The following LRMDA variants were observed in gnomAD, a reference collection of about 807,000 sequenced individuals.
LRMDA encodes leucine-rich melanocyte differentiation-associated protein.
In LRMDA, 18 loss-of-function variants were observed where a neutral mutation model predicts 29.8. The observed-to-expected ratio is 0.60, with a 90% CI of 0.42 to 0.90. LRMDA has a LOEUF of 0.90. LRMDA is among the 40% of genes least tolerant of loss of function. The pLI, the probability that LRMDA is intolerant of heterozygous loss-of-function variation, is 0.00. For synonymous variants in LRMDA, 125 were observed against 109.4 expected, an observed-to-expected ratio of 1.14 and a Z score of -0.89; for missense variants, 273 against 273.9, an observed-to-expected ratio of 1.00 and a Z score of 0.02.
Position 75,502,527 on chromosome 10 carries a change from C to G in LRMDA, c.131+64033C>G, listed in dbSNP as rs1200468712. Among the ~76,000 whole-genome samples the G allele has an allele frequency of 4.6e-5, 7 of 152,212 alleles. No individual in the cohort carries two copies. The South Asian group carries it at 1.2e-3, about 27-fold the overall frequency. On this transcript the variant is annotated intron_variant, in intron 2 of 6. Transcript: ENST00000611255. ...AAGAGGAACAGCCCTAGCTAAATCA[C>G]CAGTGTTTCTTTGGGAAGAATCTGG...
At chr10:75,891,720 G>A (rs1027514505) in intron 2 of LRMDA, among the ~76,000 whole-genome samples, 1 of 152,150 alleles carries the variant, frequency 6.6e-6, no homozygotes, top group Non-Finnish European at 1.5e-5. Context: ...AGTGGGACAT[G>A]GTCACATTCT....
chr10:75,692,273 A>G (rs1160364544), intron 2 of LRMDA, among the ~76,000 whole-genome samples: 1 of 126,346 alleles, frequency 7.9e-6, no homozygotes, highest in South Asian at 2.6e-4. Context: ...ATATAAATAT[A>G]TACACAAGTA....
At chr10:75,692,430 T>TAC (rs1220068221) in intron 2 of LRMDA, among the ~76,000 whole-genome samples, 1 of 148,234 alleles carries the variant, frequency 6.7e-6, no homozygotes, top group African/African-American at 2.5e-5. Context: ...CATATATATA[T>TAC]ACACACATAC....
intron 2 of LRMDA, among the ~76,000 whole-genome samples, chr10:75,755,660 A>C (rs1260502398): frequency 6.6e-6 from 1 of 152,242 alleles, no homozygotes; most frequent in Non-Finnish European, 1.5e-5. Context: ...CAGAAGATCA[A>C]AGAGCAGCAA....
chr10:76,512,704 A>G (rs900251210), intron 6 of LRMDA, among the ~76,000 whole-genome samples: 1 of 152,178 alleles, frequency 6.6e-6, no homozygotes. Context: ...GCAACCAAAG[A>G]AAAAATAGTG....
intron 5 of LRMDA, among the ~76,000 whole-genome samples, chr10:76,165,124 C>G (rs1850716292): frequency 6.6e-6 from 1 of 152,212 alleles, no homozygotes; most frequent in Admixed American, 6.5e-5. Flanking sequence ...AGGCACCTGC[C>G]ACCATGCCCA....
chr10:75,813,335 G>T (rs925578434), intron 2 of LRMDA, among the ~76,000 whole-genome samples: 2 of 152,182 alleles, frequency 1.3e-5, no homozygotes, highest in African/African-American at 4.8e-5. Flanking sequence ...GAAACTACCA[G>T]ACCAGAGTTT....
chr10:75,739,794 T>A (rs188451002), intron 2 of LRMDA, among the ~76,000 whole-genome samples: 1 of 152,268 alleles, frequency 6.6e-6, no homozygotes, highest in Non-Finnish European at 1.5e-5. Flanking sequence ...CAGATGTTAG[T>A]GTCTGTCGGT....
intron 6 of LRMDA, among the ~76,000 whole-genome samples, chr10:76,554,593 A>T: frequency 6.6e-6 from 1 of 152,134 alleles, no homozygotes; most frequent in East Asian, 1.9e-4. Flanking sequence ...ATGTCTATAA[A>T]CATTCTTGCT....
At chr10:76,029,271 A>G (rs1848111508) in intron 2 of LRMDA, among the ~76,000 whole-genome samples, 1 of 152,200 alleles carries the variant, frequency 6.6e-6, no homozygotes, top group Non-Finnish European at 1.5e-5. Flanking sequence ...ACCTCATTCT[A>G]TGAAAGGTTT....
chr10:75,553,819 G>T (rs1302631581), intron 2 of LRMDA, among the ~76,000 whole-genome samples: 1 of 152,042 alleles, frequency 6.6e-6, no homozygotes, highest in African/African-American at 2.4e-5. Context: ...GCACAGTGTA[G>T]GGGGCTCTCT....
intron 6 of LRMDA, among the ~76,000 whole-genome samples, chr10:76,482,360 C>T (rs1842740811): frequency 6.6e-6 from 1 of 151,948 alleles, no homozygotes; most frequent in African/African-American, 2.4e-5. Flanking sequence ...ATTATCTCTG[C>T]CCATCAGGGG....
At chr10:75,578,215 CAA>C (rs1183989010) in intron 2 of LRMDA, among the ~76,000 whole-genome samples, 629 of 14,182 alleles carry the variant, frequency 0.044, 4 homozygotes, top group African/African-American at 0.088. Flanking sequence ...AAATGGAAAG[CAA>C]AAAAAAAAAA....
intron 2 of LRMDA, among the ~76,000 whole-genome samples, chr10:75,794,388 T>C (rs1843617830): frequency 1.3e-5 from 2 of 152,220 alleles, no homozygotes; most frequent in African/African-American, 4.8e-5. Flanking sequence ...TGGATAAAGC[T>C]ATGAGCATTC....
At chr10:76,435,456 C>T (rs1842235754) in intron 6 of LRMDA, among the ~76,000 whole-genome samples, 1 of 152,156 alleles carries the variant, frequency 6.6e-6, no homozygotes, top group Non-Finnish European at 1.5e-5. Context: ...AGAGGCTTCC[C>T]TCTGTGGAGG....
At position 76,558,537 on chromosome 10, in the gene LRMDA, T is replaced by C. The variant is rs927492182; in HGVS notation, c.*1249T>C. On this transcript the variant is annotated 3_prime_UTR_variant, in exon 7 of 7. Transcript: ENST00000611255. ...ATCACTCTAGAAGATGTTCAAAAGG[T>C]TGATTGATTGTTCTTGACACGATAG... is the stretch of plus-strand genomic sequence containing the variant. The C allele has an allele frequency of 6.6e-6, 1 of 152,166 alleles. No individual in the cohort carries two copies. Among genetic ancestry groups the C allele is most frequent in the Non-Finnish European group, 1.5e-5 (1 of 68,038 alleles). 9.4% of individuals were successfully genotyped at this position (152,166 alleles called of 1,614,324 possible).
At chr10:75,832,715 T>C (rs1258543345) in intron 2 of LRMDA, among the ~76,000 whole-genome samples, 1 of 152,256 alleles carries the variant, frequency 6.6e-6, no homozygotes, top group East Asian at 1.9e-4. Flanking sequence ...TCCATGTGGC[T>C]GGGGAAGCCT....
At chr10:75,456,426 A>G (rs1844518644) in intron 2 of LRMDA, among the ~76,000 whole-genome samples, 1 of 152,234 alleles carries the variant, frequency 6.6e-6, no homozygotes, top group Non-Finnish European at 1.5e-5. Flanking sequence ...TTCATGCCAC[A>G]GTGTTTCTGC....
chr10:76,532,569 G>A (rs1843245987), intron 6 of LRMDA, among the ~76,000 whole-genome samples: 1 of 152,186 alleles, frequency 6.6e-6, no homozygotes, highest in Admixed American at 6.5e-5. Context: ...GCTGCAGTGG[G>A]ATATGTGTAG....
Sources: allele counts gnomAD v4.1 joint callset (sites outside exome capture counted in the v4.1 genomes callset), GRCh38; gene constraint gnomAD v4.1.1; transcripts MANE v1.5; gene names NCBI Gene and HGNC (gene_info 2026-07-23, HGNC 2026-07-21).